ERBB4: variants seen among roughly 807,000 people sequenced by gnomAD.
The protein encoded by ERBB4 is receptor tyrosine-protein kinase erbB-4.
A neutral mutation model predicts 158.0 loss-of-function variants in ERBB4; 42 were observed. That is an observed-to-expected ratio of 0.27 (90% CI 0.21 to 0.34). ERBB4 has a LOEUF of 0.34. Among genes scored for constraint, ERBB4 ranks in the 10% least tolerant of loss-of-function variants. The probability of loss-of-function intolerance (pLI) is 1.00; values close to 1 mark genes in which losing one functional copy is unlikely to be tolerated. For missense variants in ERBB4, 1,333 were observed against 1,624.1 expected, an observed-to-expected ratio of 0.82 and a Z score of 3.08; for synonymous variants, 583 against 558.7, an observed-to-expected ratio of 1.04 and a Z score of -0.61.
At chr2:211,537,839 A>T (rs1053932115) in intron 20 of ERBB4, among the ~76,000 whole-genome samples, 10 of 151,994 alleles carry the variant, frequency 6.6e-5, no homozygotes, top group African/African-American at 2.4e-4. Context: ...TGTAGTTGTA[A>T]TACAAAAGAA....
intron 1 of ERBB4, among the ~76,000 whole-genome samples, chr2:212,437,330 T>G (rs2092159866): frequency 6.6e-6 from 1 of 151,972 alleles, no homozygotes; most frequent in South Asian, 2.1e-4. Context: ...GATTTCACAT[T>G]AATGGTAAAG....
chr2:211,407,036 C>T (rs188493120), intron 25 of ERBB4, among the ~76,000 whole-genome samples: 3 of 152,070 alleles, frequency 2.0e-5, no homozygotes, highest in Admixed American at 6.6e-5. Flanking sequence ...GCTGAGATCA[C>T]CCCACTGTAC....
chr2:211,892,931 A>C (rs2079006232), intron 3 of ERBB4, among the ~76,000 whole-genome samples: 1 of 145,152 alleles, frequency 6.9e-6, no homozygotes, highest in Non-Finnish European at 1.5e-5. Flanking sequence ...AAATGGAAGA[A>C]CATTCCATGC....
rs796692411 is a variant in ERBB4, at chr2:212,142,599, TATA to T, written c.83-17699_83-17697del. On this transcript the variant is annotated intron_variant, in intron 1 of 27. Transcript: ENST00000342788. Reference sequence around the variant, plus strand: ...ATAAAGGACACATTATATATATATATATAATATTAAAATATATATATAATATAT... The same window carrying T: ...ATAAAGGACACATTATATATATATATATATTAAAATATATATATAATATAT... 1.1e-3 allele frequency among the ~76,000 whole-genome samples: 162 copies of T among 147,802 alleles called. 2 individuals are homozygous for T. The South Asian group carries it at 0.032, about 29-fold the overall frequency.
At chr2:212,472,317 T>C (rs1025309638) in intron 1 of ERBB4, among the ~76,000 whole-genome samples, 2 of 151,870 alleles carry the variant, frequency 1.3e-5, no homozygotes, top group Non-Finnish European at 3.0e-5. Flanking sequence ...CGTTATTATC[T>C]CCATTTACAA....
chr2:211,781,964 C>T (rs1383761574), intron 4 of ERBB4, among the ~76,000 whole-genome samples: 2 of 152,158 alleles, frequency 1.3e-5, no homozygotes, highest in Non-Finnish European at 2.9e-5. Context: ...GGTTTGCTGA[C>T]CAGCCATGTC....
At chr2:211,664,617 A>C (rs1157823766) in intron 15 of ERBB4, among the ~76,000 whole-genome samples, 1 of 152,182 alleles carries the variant, frequency 6.6e-6, no homozygotes, top group African/African-American at 2.4e-5. Flanking sequence ...TTCTTTCTGT[A>C]ATGTGTCTTT....
intron 1 of ERBB4, among the ~76,000 whole-genome samples, chr2:212,514,368 A>T (rs1383998116): frequency 6.6e-6 from 1 of 152,254 alleles, no homozygotes; most frequent in African/African-American, 2.4e-5. Context: ...GTAATGATAT[A>T]AATGCCTATA....
chr2:211,782,283 T>C (rs997560342), intron 4 of ERBB4, among the ~76,000 whole-genome samples: 1 of 152,164 alleles, frequency 6.6e-6, no homozygotes, highest in African/African-American at 2.4e-5. Flanking sequence ...GCTGGCACTG[T>C]TCTATGGAAG....
chr2:212,528,626 CA>C (rs1190346021), intron 1 of ERBB4, among the ~76,000 whole-genome samples: 13 of 152,060 alleles, frequency 8.5e-5, no homozygotes, highest in Non-Finnish European at 2.9e-5. Flanking sequence ...CTCTTTTAGG[CA>C]AATATAAATT....
chr2:211,645,937 A>G (rs962532304), intron 16 of ERBB4, among the ~76,000 whole-genome samples: 1 of 151,580 alleles, frequency 6.6e-6, no homozygotes, highest in African/African-American at 2.4e-5. Flanking sequence ...ACACACATAT[A>G]TATGTTATTT....
Position 211,383,803 on chromosome 2 carries a change from G to C in ERBB4, c.3739C>G (p.Leu1247Val), listed in dbSNP as rs757814141. The C allele has an allele frequency of 1.2e-6, 2 of 1,614,160 alleles. No homozygotes were observed. The highest frequency in any genetic ancestry group is 4.5e-5 in the East Asian group (2 of 44,878). ...FDNPDYWNHS[L>V]PPRSTLQHPD... Reference sequence around the variant, plus strand: ...TGCTGAAGGGTGCTCCGAGGTGGCAGGCTGTGGTTCCAGTAGTCAGGGTTG... The same window carrying C: ...TGCTGAAGGGTGCTCCGAGGTGGCACGCTGTGGTTCCAGTAGTCAGGGTTG... Residue 1247 changes from leucine (L) to valine (V), a missense_variant, in exon 28 of 28, where the codon CTG (leucine) becomes GTG (valine). Physicochemically the swap from Leu to Val is conservative, Grantham distance 32. Around this residue, in one of 5 missense-constraint regions of ERBB4, gnomAD observed 84 missense variants for 110.8 expected, o/e 0.76. Coordinates refer to ENST00000342788, the MANE Select transcript of ERBB4 (RefSeq NM_005235.3).
At chr2:211,501,352 A>C (rs1366040585) in intron 20 of ERBB4, among the ~76,000 whole-genome samples, 2 of 151,866 alleles carry the variant, frequency 1.3e-5, no homozygotes, top group Non-Finnish European at 2.9e-5. Context: ...TGAAATTGGA[A>C]TGGTCCTAAC....
At chr2:212,307,200 G>T (rs12468422) in intron 1 of ERBB4, among the ~76,000 whole-genome samples, 19,693 of 150,942 alleles carry the variant, frequency 0.13, 1,367 homozygotes, top group South Asian at 0.22. Context: ...CAAAGAACTG[G>T]ATCAGATGAC....
At chr2:212,524,399 G>A (rs1050925829) in intron 1 of ERBB4, among the ~76,000 whole-genome samples, 5 of 151,908 alleles carry the variant, frequency 3.3e-5, no homozygotes, top group African/African-American at 9.7e-5. Context: ...TATTCATTCT[G>A]ACTAATAATA....
rs983174547 is a variant in ERBB4 at position 212,434,841 on chromosome 2, C to T, written c.82+103608G>A. On this transcript the variant is annotated intron_variant, in intron 1 of 27. Transcript: ENST00000342788. Reference sequence around the variant, plus strand: ...CAATGTAAATGTGCAGCTATTCTAACCTGCCTATTGGATAAAAATGTAAAA... The same window carrying T: ...CAATGTAAATGTGCAGCTATTCTAATCTGCCTATTGGATAAAAATGTAAAA... Among the ~76,000 whole-genome samples the T allele has an allele frequency of 5.3e-5, 8 of 152,070 alleles. 1 individual carries two copies. Among genetic ancestry groups the T allele is most frequent in the Middle Eastern group, 6.8e-3 (2 of 294 alleles).
intron 3 of ERBB4, among the ~76,000 whole-genome samples, chr2:211,901,242 T>A (rs757839294): frequency 1.3e-5 from 2 of 152,142 alleles, no homozygotes; most frequent in Non-Finnish European, 2.9e-5. Context: ...ACTTAGCTAT[T>A]TTGAAATTCA....
chr2:212,155,964 C>T (rs955271977), intron 1 of ERBB4, among the ~76,000 whole-genome samples: 31 of 152,024 alleles, frequency 2.0e-4, no homozygotes, highest in Admixed American at 6.6e-4. Flanking sequence ...ATATAACTGG[C>T]TTCCTTTGTA....
chr2:212,004,083 T>C (rs926132991), intron 2 of ERBB4, among the ~76,000 whole-genome samples: 1 of 152,106 alleles, frequency 6.6e-6, no homozygotes, highest in African/African-American at 2.4e-5. Context: ...AATCCAGATA[T>C]GCATGGACTG....
Sources: gnomAD v4.1 joint callset for allele counts (sites outside exome capture counted in the v4.1 genomes callset) on GRCh38, gnomAD v4.1.1 for gene constraint, gnomAD v4.1.1 regional missense constraint, MANE v1.5 for transcripts, NCBI Gene and HGNC (gene_info 2026-07-23, HGNC 2026-07-21) for gene names.